Variants in MAF observed in about 807,000 individuals in gnomAD.
MAF encodes the protein transcription factor Maf.
Under a neutral mutation model 22.0 loss-of-function variants are expected in MAF, and 10 were observed. The ratio of observed to expected loss-of-function variants is 0.45; its 90% CI spans 0.28 to 0.77. The LOEUF (loss-of-function observed/expected upper bound fraction) is 0.77, where lower values mean the gene tolerates loss of function less well. Among genes scored for constraint, MAF ranks in the 30% least tolerant of loss-of-function variants. The pLI, the probability that MAF is intolerant of heterozygous loss-of-function variation, is 0.12. For synonymous variants in MAF, 337 were observed against 255.8 expected (o/e 1.32, Z -3.03); for missense variants, 544 against 548.4 (o/e 0.99, Z 0.08).
At chr16:79,475,362 A>ATGTGTG in the MAF span, among the ~76,000 whole-genome samples, 113 of 148,806 alleles carry the variant, frequency 7.6e-4, 1 homozygote, top group African/African-American at 2.2e-3. Flanking sequence ...ATGTATATAT[A>ATGTGTG]TGTGTGTGTG....
the MAF span, among the ~76,000 whole-genome samples, chr16:79,222,677 G>A: frequency 6.6e-6 from 1 of 152,098 alleles, no homozygotes; most frequent in Non-Finnish European, 1.5e-5. Context: ...AAGAGATACA[G>A]GAAGATTTAC....
chr16:79,430,756 C>G, the MAF span, among the ~76,000 whole-genome samples: 1 of 152,222 alleles, frequency 6.6e-6, no homozygotes, highest in Non-Finnish European at 1.5e-5. Flanking sequence ...CAGTCCTTCT[C>G]CATCAGGGTG....
At chr16:79,575,721 A>T in the MAF span, among the ~76,000 whole-genome samples, 1 of 152,184 alleles carries the variant, frequency 6.6e-6, no homozygotes, top group African/African-American at 2.4e-5. Context: ...CTTCATCCCC[A>T]ATTTTTCCCG....
chr16:79,303,276 A>T, the MAF span, among the ~76,000 whole-genome samples: 1 of 152,230 alleles, frequency 6.6e-6, no homozygotes, highest in African/African-American at 2.4e-5. Context: ...TCAAGTCATT[A>T]ACCATGATAG....
chr16:79,402,171 C>T, the MAF span, among the ~76,000 whole-genome samples: 1 of 152,148 alleles, frequency 6.6e-6, no homozygotes, highest in South Asian at 2.1e-4. Context: ...ACCTACCCAT[C>T]AAATGGGGAG....
chr16:79,519,954 C>T, the MAF span, among the ~76,000 whole-genome samples: 1 of 152,210 alleles, frequency 6.6e-6, no homozygotes, highest in Non-Finnish European at 1.5e-5. Flanking sequence ...AAGACCTTCT[C>T]CCTCTGGAAG....
At chr16:79,589,597 C>A (rs2143721680), downstream of MAF, among the ~76,000 whole-genome samples, 1 of 152,270 alleles carries the variant, frequency 6.6e-6, no homozygotes, top group East Asian at 1.9e-4. Flanking sequence ...CCTGGGGCCG[C>A]GATCGGGTGG....
At position 79,599,161 on chromosome 16, in the gene MAF, G is replaced by A; in HGVS notation, c.742C>T (p.Pro248Ser). ...GAAGAGGALH[P>S]HHAAGGLHFD... is the part of the protein sequence containing the mutation. The stretch of plus-strand genomic sequence containing the variant: ...TGCAGGCCGCCGGCGGCGTGGTGCG[G>A]GTGCAGGGCGCCCCCCGCCCCCGCC... Residue 248 changes from proline (P) to serine (S), a missense_variant, in exon 1 of 2, where the codon CCG becomes TCG. Physicochemically the swap from Pro to Ser is moderately conservative, Grantham distance 74 (BLOSUM62 -1). Around this residue, in one of 5 missense-constraint regions of MAF, gnomAD observed 342 missense variants for 315.5 expected, o/e 1.08. Coordinates refer to ENST00000326043, the MANE Select transcript of MAF (RefSeq NM_005360.5). The A allele has an allele frequency of 7.0e-7, 1 of 1,437,980 alleles. No individual in the cohort carries two copies. Among genetic ancestry groups the A allele is most frequent in the Non-Finnish European group, 9.2e-7 (1 of 1,089,058 alleles). 89.1% of individuals were successfully genotyped at this position (1,437,980 alleles called of 1,614,324 possible).
intron 1 of MAF, among the ~76,000 whole-genome samples, chr16:79,586,355 A>C (rs1912839851): frequency 6.6e-6 from 1 of 152,104 alleles, no homozygotes; most frequent in East Asian, 1.9e-4. Flanking sequence ...CCCTGGGAGA[A>C]CCACACTGGC....
chr16:79,376,225 C>G, the MAF span, among the ~76,000 whole-genome samples: 1 of 151,724 alleles, frequency 6.6e-6, no homozygotes, highest in African/African-American at 2.4e-5. Flanking sequence ...TTCCTGTTTA[C>G]TTGTTTTATT....
the MAF span, among the ~76,000 whole-genome samples, chr16:79,440,840 G>A: frequency 2.6e-5 from 4 of 152,294 alleles, 1 homozygote; most frequent in Admixed American, 2.0e-4. Context: ...TACTCACTTG[G>A]CTCTTGGTCT....
the MAF span, among the ~76,000 whole-genome samples, chr16:79,220,813 T>G: frequency 6.6e-6 from 1 of 152,228 alleles, no homozygotes; most frequent in Admixed American, 6.5e-5. Flanking sequence ...TGGTTTTCTT[T>G]GAGAAGAGTA....
chr16:79,506,818 G>C, the MAF span, among the ~76,000 whole-genome samples: 1 of 152,154 alleles, frequency 6.6e-6, no homozygotes, highest in Non-Finnish European at 1.5e-5. Flanking sequence ...GTAGACTCAA[G>C]ATGGGGCCAG....
chr16:79,384,123 A>C, the MAF span, among the ~76,000 whole-genome samples: 3 of 152,118 alleles, frequency 2.0e-5, no homozygotes, highest in African/African-American at 7.2e-5. Context: ...GGGAGTCAGG[A>C]AAGTATTCTA....
the MAF span, among the ~76,000 whole-genome samples, chr16:79,552,858 C>A: frequency 6.6e-6 from 1 of 152,156 alleles, no homozygotes; most frequent in African/African-American, 2.4e-5. Flanking sequence ...ACATGAGAGA[C>A]CAGAGCTATG....
the MAF span, among the ~76,000 whole-genome samples, chr16:79,517,918 C>T: frequency 5.3e-5 from 8 of 152,122 alleles, no homozygotes; most frequent in African/African-American, 1.9e-4. Context: ...AAAACATACC[C>T]ACAATAGTGG....
chr16:79,421,500 T>C, the MAF span, among the ~76,000 whole-genome samples: 2 of 152,214 alleles, frequency 1.3e-5, no homozygotes, highest in African/African-American at 2.4e-5. Flanking sequence ...CTGGCTCTTG[T>C]CACTTAGTAA....
chr16:79,431,452 G>A, the MAF span, among the ~76,000 whole-genome samples: 93 of 152,232 alleles, frequency 6.1e-4, no homozygotes, highest in Non-Finnish European at 1.1e-3. Flanking sequence ...TCTTAATACC[G>A]TACATACATA....
chr16:79,515,306 T>C, the MAF span, among the ~76,000 whole-genome samples: 1 of 152,240 alleles, frequency 6.6e-6, no homozygotes, highest in African/African-American at 2.4e-5. Context: ...TGCCCAACTT[T>C]TGATGGTTCC....
Sources: allele counts gnomAD v4.1 joint callset (sites outside exome capture counted in the v4.1 genomes callset), GRCh38; gene constraint gnomAD v4.1.1; regional missense constraint gnomAD v4.1.1; transcripts MANE v1.5; gene names NCBI Gene and HGNC (gene_info 2026-07-23, HGNC 2026-07-21).